The following OPCML variants were observed in gnomAD, a reference collection of about 807,000 sequenced individuals.
OPCML encodes the protein opioid-binding protein/cell adhesion molecule.
Under a neutral mutation model 37.8 loss-of-function variants are expected in OPCML, and 13 were observed. That is an observed-to-expected ratio of 0.34 (90% CI 0.22 to 0.55). The LOEUF (loss-of-function observed/expected upper bound fraction) is 0.55. OPCML is among the 20% of genes least tolerant of loss of function. The pLI, the probability that OPCML is intolerant of heterozygous loss-of-function variation, is 0.91. For synonymous variants in OPCML, 176 were observed against 168.8 expected (o/e 1.04, Z -0.33); for missense variants, 341 against 435.6 (o/e 0.78, Z 1.93).
chr11:132,481,582 A>G (rs960080399), intron 4 of OPCML, among the ~76,000 whole-genome samples: 1 of 151,368 alleles, frequency 6.6e-6, no homozygotes, highest in African/African-American at 2.4e-5. Flanking sequence ...ATAGACATCT[A>G]CAGAACTCTC....
chr11:132,765,370 G>T (rs1818564837), intron 2 of OPCML, among the ~76,000 whole-genome samples: 1 of 152,206 alleles, frequency 6.6e-6, no homozygotes, highest in Non-Finnish European at 1.5e-5. Context: ...CCCTAAAGGA[G>T]AAGTTCTCCC....
intron 4 of OPCML, among the ~76,000 whole-genome samples, chr11:132,524,826 G>T (rs956133175): frequency 7.9e-5 from 12 of 152,178 alleles, no homozygotes; most frequent in African/African-American, 2.9e-4. Context: ...ACTTGGGGAT[G>T]CTTCAAAACT....
At chr11:132,534,750 A>G (rs1176726370) in intron 3 of OPCML, among the ~76,000 whole-genome samples, 1 of 152,196 alleles carries the variant, frequency 6.6e-6, no homozygotes, top group Non-Finnish European at 1.5e-5. Context: ...GGGATGAAAA[A>G]CTTGTCTCTT....
At chr11:132,941,096 A>G (rs1227405903) in intron 2 of OPCML, among the ~76,000 whole-genome samples, 3 of 151,938 alleles carry the variant, frequency 2.0e-5, no homozygotes, top group Non-Finnish European at 4.4e-5. Context: ...TTTTTTCTGC[A>G]AAGAACAAAA....
chr11:132,571,135 A>T (rs975835251), intron 3 of OPCML, among the ~76,000 whole-genome samples: 7 of 151,900 alleles, frequency 4.6e-5, no homozygotes, highest in Non-Finnish European at 8.8e-5. Context: ...CCCATGCTGG[A>T]TGCTTCCTGC....
chr11:133,160,905 G>A (rs532909104), intron 1 of OPCML, among the ~76,000 whole-genome samples: 6 of 152,336 alleles, frequency 3.9e-5, no homozygotes, highest in Admixed American at 6.5e-5. Flanking sequence ...GGAGCACCAC[G>A]TGGCTGCTTA....
intron 7 of OPCML, among the ~76,000 whole-genome samples, chr11:132,435,673 A>T (rs2096010660): frequency 6.6e-6 from 1 of 152,226 alleles, no homozygotes; most frequent in South Asian, 2.1e-4. Flanking sequence ...AGAATACGAA[A>T]TGCAAGCAAC....
At chr11:133,432,406 C>T (rs1946141648) in intron 1 of OPCML, among the ~76,000 whole-genome samples, 1 of 151,974 alleles carries the variant, frequency 6.6e-6, no homozygotes, top group Non-Finnish European at 1.5e-5. Flanking sequence ...CTGTGTTAAT[C>T]GGATCTTACT....
chr11:133,527,533 C>G (rs1248714607), intron 1 of OPCML, among the ~76,000 whole-genome samples: 1 of 152,144 alleles, frequency 6.6e-6, no homozygotes, highest in Admixed American at 6.5e-5. Flanking sequence ...CATATATGGT[C>G]AGTATGATTC....
rs183873805 is a variant in OPCML at position 132,901,193 on chromosome 11, A to G, written c.146+41733T>C. 2.7e-3 allele frequency among the ~76,000 whole-genome samples: 407 copies of G among 152,142 alleles called. 1 individual carries two copies. The highest frequency in any genetic ancestry group is 9.3e-3 in the African/African-American group (388 of 41,516). On this transcript the variant is annotated intron_variant, in intron 2 of 7. Coordinates refer to ENST00000524381, the MANE Select transcript of OPCML (RefSeq NM_001012393.5). The stretch of plus-strand genomic sequence containing the variant: ...AGACTCTGTCTCTCAAAAAATAAAT[A>G]AATAAATAATAAATAATAAATAAAT...
chr11:133,489,625 G>A (rs1947609375), intron 1 of OPCML, among the ~76,000 whole-genome samples: 1 of 152,024 alleles, frequency 6.6e-6, no homozygotes. Context: ...TACACTGTTG[G>A]CGGAATGTAA....
At chr11:133,274,444 G>A (rs1941936831) in intron 1 of OPCML, among the ~76,000 whole-genome samples, 1 of 152,188 alleles carries the variant, frequency 6.6e-6, no homozygotes, top group African/African-American at 2.4e-5. Flanking sequence ...GAGCCCACAA[G>A]CCAATGAACA....
intron 2 of OPCML, among the ~76,000 whole-genome samples, chr11:132,892,155 G>C (rs1408453382): frequency 6.6e-6 from 1 of 152,228 alleles, no homozygotes; most frequent in Non-Finnish European, 1.5e-5. Flanking sequence ...ACCTAGAAAG[G>C]TCTGTAACTG....
intron 1 of OPCML, among the ~76,000 whole-genome samples, chr11:133,296,137 C>T (rs1307350768): frequency 6.6e-6 from 1 of 152,142 alleles, no homozygotes; most frequent in East Asian, 1.9e-4. Flanking sequence ...GTAAATGATA[C>T]AGAACTAGGA....
chr11:133,079,513 G>A (rs1333431950), intron 1 of OPCML, among the ~76,000 whole-genome samples: 1 of 152,114 alleles, frequency 6.6e-6, no homozygotes, highest in Non-Finnish European at 1.5e-5. Flanking sequence ...TATGAAAAGA[G>A]GCTAAAAAAT....
At chr11:133,391,765 C>G (rs187057140) in intron 1 of OPCML, among the ~76,000 whole-genome samples, 1 of 152,174 alleles carries the variant, frequency 6.6e-6, no homozygotes, top group South Asian at 2.1e-4. Context: ...ATGCTTATCA[C>G]GTGTCAGACC....
At chr11:133,227,077 G>T (rs1940070697) in intron 1 of OPCML, among the ~76,000 whole-genome samples, 1 of 152,122 alleles carries the variant, frequency 6.6e-6, no homozygotes, top group Admixed American at 6.5e-5. Context: ...AGACCGTCGT[G>T]TTAGGGGGGG....
At chr11:133,004,125 A>G in intron 1 of OPCML, 1 of 985,388 alleles carries the variant, frequency 1.0e-6, no homozygotes, top group Non-Finnish European at 1.2e-6. Flanking sequence ...ACACCCACAC[A>G]TCTCAAAAGC....
intron 4 of OPCML, among the ~76,000 whole-genome samples, chr11:132,485,443 T>C (rs2096196706): frequency 6.6e-6 from 1 of 152,180 alleles, no homozygotes; most frequent in Admixed American, 6.5e-5. Flanking sequence ...TGATGTGTTT[T>C]GGCAAGCGTG....
Sources: allele counts gnomAD v4.1 joint callset (sites outside exome capture counted in the v4.1 genomes callset), GRCh38; gene constraint gnomAD v4.1.1; transcripts MANE v1.5; gene names NCBI Gene and HGNC (gene_info 2026-07-23, HGNC 2026-07-21).